Variants in CTNNBL1 observed in about 807,000 individuals in gnomAD.
CTNNBL1 encodes catenin beta like 1.
Under a neutral mutation model 72.7 loss-of-function variants are expected in CTNNBL1, and 31 were observed. The ratio of observed to expected loss-of-function variants is 0.43; its 90% CI spans 0.32 to 0.58. CTNNBL1 has a LOEUF of 0.58. CTNNBL1 is among the 20% of genes least tolerant of loss of function. The probability of loss-of-function intolerance (pLI) is 0.08; values close to 1 mark genes in which losing one functional copy is unlikely to be tolerated. For synonymous variants in CTNNBL1, 240 were observed against 267.3 expected (o/e 0.90, Z 1.00); for missense variants, 534 against 725.1 (o/e 0.74, Z 3.03).
intron 5 of CTNNBL1, among the ~76,000 whole-genome samples, chr20:37,759,341 C>T (rs557228637): frequency 3.9e-5 from 6 of 152,222 alleles, no homozygotes; most frequent in South Asian, 2.1e-4. Flanking sequence ...CCTGAATGAG[C>T]CTTCCTGCTT....
chr20:37,822,470 A>T (rs1255651170), intron 11 of CTNNBL1, among the ~76,000 whole-genome samples: 1 of 152,244 alleles, frequency 6.6e-6, no homozygotes, highest in African/African-American at 2.4e-5. Context: ...TCACAGAAAT[A>T]ACTTTGAAGT....
chr20:37,841,063 T>C (rs993591372), intron 12 of CTNNBL1, among the ~76,000 whole-genome samples: 2 of 152,272 alleles, frequency 1.3e-5, no homozygotes, highest in Non-Finnish European at 2.9e-5. Context: ...ATTGAGTGAC[T>C]ACTATGGATT....
intron 11 of CTNNBL1, among the ~76,000 whole-genome samples, chr20:37,830,670 A>T (rs1454831742): frequency 1.3e-5 from 2 of 152,186 alleles, no homozygotes; most frequent in African/African-American, 4.8e-5. Flanking sequence ...AAAACCCATC[A>T]TGAGTTGAAA....
In CTNNBL1 at chr20:37,777,391, T is replaced by C; in HGVS notation, c.797T>C (p.Leu266Pro). The C allele has an allele frequency of 6.2e-7, 1 of 1,613,970 alleles. No homozygotes were observed. The highest frequency in any genetic ancestry group is 8.5e-7 in the Non-Finnish European group (1 of 1,179,830). Residue 266 changes from leucine (L) to proline (P), a missense_variant, in exon 8 of 16, where the codon CTG becomes CCG. Leu to Pro is a moderately conservative substitution (Grantham distance 98). Coordinates refer to ENST00000361383, the MANE Select transcript of CTNNBL1 (RefSeq NM_030877.5). ...AACAAACTGTATTGCAGTGAAGTGC[T>C]GGCCATATTGCTCCAGGACAATGAT... Reference protein sequence around the residue: ...DANKLYCSEVLAILLQDNDEN... With the variant: ...DANKLYCSEVPAILLQDNDEN...
intron 3 of CTNNBL1, among the ~76,000 whole-genome samples, chr20:37,739,220 C>T (rs1238226636): frequency 1.3e-5 from 2 of 152,124 alleles, no homozygotes; most frequent in Non-Finnish European, 2.9e-5. Flanking sequence ...TGATCCCTTT[C>T]CATTCCTCTG....
chr20:37,785,915 G>C (rs2073669091), intron 10 of CTNNBL1, among the ~76,000 whole-genome samples: 1 of 152,142 alleles, frequency 6.6e-6, no homozygotes, highest in Non-Finnish European at 1.5e-5. Context: ...AGAGAGTCTT[G>C]GGTGTTGTGA....
chr20:37,840,252 T>C, intron 12 of CTNNBL1, 53 bp downstream of exon 12: 1 of 1,309,338 alleles, frequency 7.6e-7, no homozygotes, highest in Non-Finnish European at 1.1e-6. Context: ...GAAAGGCTCT[T>C]TACCTGATGT....
intron 1 of CTNNBL1, among the ~76,000 whole-genome samples, chr20:37,699,037 C>A (rs1454518480): frequency 6.6e-6 from 1 of 152,098 alleles, no homozygotes; most frequent in African/African-American, 2.4e-5. Context: ...CAGAGCAAGA[C>A]CCTGTCTCAA....
chr20:37,696,182 A>G (rs770972939), intron 1 of CTNNBL1, among the ~76,000 whole-genome samples: 2 of 152,218 alleles, frequency 1.3e-5, no homozygotes, highest in Non-Finnish European at 2.9e-5. Flanking sequence ...ATAAAAGACA[A>G]GATTCTTGCT....
chr20:37,850,392 T>C (rs538787445), intron 13 of CTNNBL1, among the ~76,000 whole-genome samples: 1 of 152,266 alleles, frequency 6.6e-6, no homozygotes. Flanking sequence ...GCCCTGTGTG[T>C]GTGTGTCCAT....
chr20:37,781,806 G>T (rs1028050206), intron 10 of CTNNBL1, among the ~76,000 whole-genome samples: 2 of 152,142 alleles, frequency 1.3e-5, no homozygotes, highest in Non-Finnish European at 2.9e-5. Flanking sequence ...TGGTTCCATT[G>T]CCCCTAAATA....
intron 4 of CTNNBL1, chr20:37,750,689 G>A (rs2073311405): frequency 6.6e-6 from 1 of 152,140 alleles, no homozygotes; most frequent in African/African-American, 2.4e-5. Context: ...TTCTGTTTTT[G>A]TATGTCTTTT....
intron 1 of CTNNBL1, among the ~76,000 whole-genome samples, chr20:37,697,758 C>G (rs556298818): frequency 4.9e-4 from 74 of 152,270 alleles, no homozygotes; most frequent in African/African-American, 1.8e-3. Context: ...GTTTACACAT[C>G]TTACCACATT....
chr20:37,767,926 A>G, intron 6 of CTNNBL1, 27 bp from the exon 7 acceptor site: 1 of 1,600,672 alleles, frequency 6.2e-7, no homozygotes, highest in Non-Finnish European at 8.6e-7. Context: ...TTGTCCTCCC[A>G]AATGACTGGT....
At chr20:37,764,355 G>A (rs1404676395) in intron 5 of CTNNBL1, among the ~76,000 whole-genome samples, 1 of 152,142 alleles carries the variant, frequency 6.6e-6, no homozygotes, top group African/African-American at 2.4e-5. Flanking sequence ...GTGTGCCTCA[G>A]GGCTACCTAA....
chr20:37,815,912 A>C (rs183695185), intron 11 of CTNNBL1, among the ~76,000 whole-genome samples: 24 of 152,302 alleles, frequency 1.6e-4, no homozygotes, highest in African/African-American at 5.8e-4. Flanking sequence ...GTTAGTGTCT[A>C]CCTTCCTGGA....
chr20:37,821,247 C>T (rs1045075504), intron 11 of CTNNBL1, among the ~76,000 whole-genome samples: 2 of 152,158 alleles, frequency 1.3e-5, no homozygotes, highest in Admixed American at 1.3e-4. Flanking sequence ...CTTATGCTCC[C>T]GACAGCATCC....
intron 11 of CTNNBL1, among the ~76,000 whole-genome samples, chr20:37,805,314 T>C (rs773647953): frequency 5.3e-5 from 8 of 152,146 alleles, no homozygotes; most frequent in Non-Finnish European, 1.2e-4. Context: ...CAGCATGCTC[T>C]TCCCTCCATG....
At chr20:37,726,640 C>G (rs1185329365) in intron 1 of CTNNBL1, among the ~76,000 whole-genome samples, 4 of 152,148 alleles carry the variant, frequency 2.6e-5, no homozygotes, top group African/African-American at 9.7e-5. Context: ...TAGCCAAGCT[C>G]CTAAGTTCTA....
Sources: allele counts gnomAD v4.1 joint callset (sites outside exome capture counted in the v4.1 genomes callset), GRCh38; gene constraint gnomAD v4.1.1; transcripts MANE v1.5; gene names NCBI Gene and HGNC (gene_info 2026-07-23, HGNC 2026-07-21).